The following FANK1 variants were observed in gnomAD, a reference collection of about 807,000 sequenced individuals.
The protein encoded by FANK1 is fibronectin type 3 and ankyrin repeat domains protein 1.
FANK1 carries 44 observed loss-of-function variants against 45.3 expected under a neutral mutation model. The ratio of observed to expected loss-of-function variants is 0.97; its 90% confidence interval spans 0.76 to 1.25. The LOEUF (loss-of-function observed/expected upper bound fraction) is 1.25, where lower values mean the gene tolerates loss of function less well. Ranked by LOEUF, FANK1 falls within the 50% of genes most tolerant of loss-of-function variation. The probability of loss-of-function intolerance (pLI) is 0.00; values close to 1 mark genes in which losing one functional copy is unlikely to be tolerated. For synonymous variants in FANK1, 149 were observed against 152.5 expected (o/e 0.98, Z 0.17); for missense variants, 391 against 424.4 (o/e 0.92, Z 0.69).
At chr10:125,919,686 A>G (rs1946804040) in intron 1 of FANK1, among the ~76,000 whole-genome samples, 1 of 152,148 alleles carries the variant, frequency 6.6e-6, no homozygotes, top group South Asian at 2.1e-4. Flanking sequence ...AATACACAGG[A>G]TTTGAAGTGC....
At chr10:125,926,655 A>T (rs1233501085) in intron 1 of FANK1, among the ~76,000 whole-genome samples, 1 of 152,286 alleles carries the variant, frequency 6.6e-6, no homozygotes, top group Admixed American at 6.5e-5. Flanking sequence ...TTCATGGGAC[A>T]TTACTTCTAT....
At chr10:125,994,475 G>A in intron 3 of FANK1, 1 of 985,358 alleles carries the variant, frequency 1.0e-6, no homozygotes, top group Non-Finnish European at 1.2e-6. Context: ...TGGGCGTACA[G>A]TTGGAGTATG....
chr10:125,929,849 A>G (rs1409786944), intron 1 of FANK1, among the ~76,000 whole-genome samples: 1 of 152,168 alleles, frequency 6.6e-6, no homozygotes, highest in East Asian at 1.9e-4. Context: ...TACTTGAGGT[A>G]CACCCTATGT....
rs145572955 is a variant in FANK1 at position 125,911,925 on chromosome 10, A to G, written c.13+15270A>G. Among the ~76,000 whole-genome samples the G allele has an allele frequency of 5.9e-5, 9 of 152,332 alleles. No individual in the cohort carries two copies. The East Asian group carries it at 1.7e-3, about 29-fold the overall frequency. On this transcript the variant is annotated intron_variant, in intron 1 of 10. Coordinates refer to ENST00000368693, the MANE Select transcript of FANK1 (RefSeq NM_145235.5). ...ACAGAAGGAGGAGATGATATACTCA[A>G]CAGCATCTGTGCATGATAGTTAGAG...
intron 3 of FANK1, among the ~76,000 whole-genome samples, chr10:125,994,087 C>T (rs1389902520): frequency 6.6e-6 from 1 of 151,884 alleles, no homozygotes; most frequent in Non-Finnish European, 1.5e-5. Flanking sequence ...AAGAGGGAGG[C>T]CAGCTGATCT....
At chr10:125,974,118 C>T (rs1209210815) in intron 1 of FANK1, among the ~76,000 whole-genome samples, 1 of 152,204 alleles carries the variant, frequency 6.6e-6, no homozygotes, top group South Asian at 2.1e-4. Context: ...TTTCAGAGAA[C>T]ATATTCAAAC....
intron 1 of FANK1, among the ~76,000 whole-genome samples, chr10:125,979,346 A>T (rs754291260): frequency 5.9e-5 from 9 of 151,560 alleles, no homozygotes; most frequent in Non-Finnish European, 8.8e-5. Flanking sequence ...TTGGCCACTC[A>T]CTCTTGTGTG....
chr10:125,968,853 G>A (rs997159252), intron 1 of FANK1, among the ~76,000 whole-genome samples: 1 of 152,108 alleles, frequency 6.6e-6, no homozygotes, highest in African/African-American at 2.4e-5. Flanking sequence ...GGTTTCTGAT[G>A]TACTTGAGCC....
At chr10:125,946,411 A>G (rs911679716) in intron 1 of FANK1, among the ~76,000 whole-genome samples, 28 of 151,640 alleles carry the variant, frequency 1.8e-4, no homozygotes, top group Admixed American at 1.5e-3. Context: ...AGAAGTGCTT[A>G]AAGGAGCTGA....
intron 1 of FANK1, among the ~76,000 whole-genome samples, chr10:125,968,382 CTG>C (rs1564923446): frequency 6.6e-6 from 1 of 152,014 alleles, no homozygotes; most frequent in African/African-American, 2.4e-5. Flanking sequence ...GTCATCTTCA[CTG>C]TGGACCATAT....
chr10:125,905,010 A>G (rs4642989), intron 1 of FANK1, among the ~76,000 whole-genome samples: 1 of 151,630 alleles, frequency 6.6e-6, no homozygotes, highest in Non-Finnish European at 1.5e-5. Flanking sequence ...GGGCGCCTGT[A>G]GTCCCAGCTA....
intron 1 of FANK1, 190 bp from the exon 2 acceptor site, chr10:125,979,971 C>T (rs924667123): frequency 1.6e-6 from 1 of 641,936 alleles, no homozygotes; most frequent in Non-Finnish European, 2.8e-6. Flanking sequence ...ACTGTGGTAG[C>T]TCACACATCA....
chr10:125,986,830 A>G (rs1292196246), intron 2 of FANK1, among the ~76,000 whole-genome samples: 1 of 152,160 alleles, frequency 6.6e-6, no homozygotes, highest in Non-Finnish European at 1.5e-5. Flanking sequence ...TTGATGGATG[A>G]ATTTGGCGGA....
At chr10:125,938,904 A>G (rs765359387) in intron 1 of FANK1, among the ~76,000 whole-genome samples, 2 of 152,192 alleles carry the variant, frequency 1.3e-5, no homozygotes, top group African/African-American at 2.4e-5. Flanking sequence ...GAAGCATTTG[A>G]GCATCAAAAA....
rs1357921030 is a variant in FANK1, at chr10:126,007,694, C to T, written c.706-713C>T. Among the ~76,000 whole-genome samples the T allele has an allele frequency of 3.9e-5, 6 of 152,262 alleles. No individual in the cohort carries two copies. The South Asian group carries it at 6.2e-4, about 16-fold the overall frequency. ...CACATGGTATGCGTGTGTGCACACA[C>T]GAGTGTGTGTGCGTGTCTGAGCACA... On this transcript the variant is annotated intron_variant, in intron 7 of 10. Transcript: ENST00000368693.
chr10:125,905,282 TAA>T (rs66941744), intron 1 of FANK1, among the ~76,000 whole-genome samples: 31 of 141,524 alleles, frequency 2.2e-4, no homozygotes, highest in African/African-American at 8.1e-4. Context: ...TCACTAAGAT[TAA>T]AAAAAAAAAA....
At chr10:125,944,335 T>C (rs1372603511) in intron 1 of FANK1, among the ~76,000 whole-genome samples, 2 of 152,256 alleles carry the variant, frequency 1.3e-5, no homozygotes, top group African/African-American at 4.8e-5. Flanking sequence ...TATTTGTCCT[T>C]CTACCTTTAT....
chr10:126,007,749 CT>C (rs1345962062), intron 7 of FANK1, among the ~76,000 whole-genome samples: 1 of 152,172 alleles, frequency 6.6e-6, no homozygotes, highest in East Asian at 1.9e-4. Flanking sequence ...TTCAGCACCA[CT>C]CTTCATGGAT....
intron 7 of FANK1, among the ~76,000 whole-genome samples, chr10:126,008,027 T>C (rs912605112): frequency 2.0e-5 from 3 of 152,160 alleles, no homozygotes; most frequent in African/African-American, 7.2e-5. Flanking sequence ...TGTGTATATA[T>C]ATTATTACTG....
Sources: gnomAD v4.1 joint callset for allele counts (sites outside exome capture counted in the v4.1 genomes callset) on GRCh38, gnomAD v4.1.1 for gene constraint, MANE v1.5 for transcripts, NCBI Gene and HGNC (gene_info 2026-07-23, HGNC 2026-07-21) for gene names.